Variants in DGKB observed in about 807,000 individuals in gnomAD.
The protein encoded by DGKB is 90 kDa diacylglycerol kinase.
Under a neutral mutation model 114.3 loss-of-function variants are expected in DGKB, and 67 were observed. That is an observed-to-expected ratio of 0.59 (90% CI 0.48 to 0.72). DGKB has a LOEUF of 0.72. Ranked by LOEUF, DGKB falls within the 30% of genes least tolerant of loss-of-function variation. The probability of loss-of-function intolerance (pLI) is 0.00; values close to 1 mark genes in which losing one functional copy is unlikely to be tolerated. For synonymous variants in DGKB, 398 were observed against 323.1 expected (o/e 1.23, Z -2.49); for missense variants, 907 against 975.2 (o/e 0.93, Z 0.93).
At chr7:14,930,856 G>T (rs867458670) in intron 1 of DGKB, among the ~76,000 whole-genome samples, 1 of 152,006 alleles carries the variant, frequency 6.6e-6, no homozygotes, top group African/African-American at 2.4e-5. Flanking sequence ...TGTACATGAC[G>T]TTCTGTATTT....
chr7:14,690,855 G>T (rs1585688314), intron 9 of DGKB, among the ~76,000 whole-genome samples: 1 of 152,204 alleles, frequency 6.6e-6, no homozygotes, highest in East Asian at 1.9e-4. Flanking sequence ...AAGGAAGAAT[G>T]AATAAGTCTC....
chr7:14,441,420 T>C lies in DGKB; in HGVS notation c.1835+36741A>G, dbSNP rs143291716. On this transcript the variant is annotated intron_variant, in intron 21 of 25. Coordinates refer to ENST00000402815, the MANE Select transcript of DGKB (RefSeq NM_001350709.2). ...TGTCAATTATAGACCTTGAACTTTC[T>C]CAATAAAGTTTATCTTTAGTCTTTC... Among the ~76,000 whole-genome samples, 770 of 152,298 alleles carry C rather than the reference T, an allele frequency of 5.1e-3. 2 individuals carry two copies. Among genetic ancestry groups the C allele is most frequent in the African/African-American group, 0.017 (727 of 41,572 alleles).
intron 12 of DGKB, among the ~76,000 whole-genome samples, chr7:14,677,761 C>G (rs765880449): frequency 6.6e-6 from 1 of 151,980 alleles, no homozygotes; most frequent in African/African-American, 2.4e-5. Context: ...GAAAAGAGAA[C>G]TGAGGTGAAT....
intron 20 of DGKB, among the ~76,000 whole-genome samples, chr7:14,531,086 C>T (rs1442016216): frequency 2.6e-5 from 4 of 151,488 alleles, no homozygotes; most frequent in Non-Finnish European, 5.9e-5. Context: ...CAGCTTGTTT[C>T]TCCAAATACA....
intron 21 of DGKB, among the ~76,000 whole-genome samples, chr7:14,429,931 C>T (rs201956623): frequency 5.9e-5 from 9 of 151,538 alleles, no homozygotes; most frequent in East Asian, 5.8e-4. Context: ...TGTCCCCCCC[C>T]CCAAAAAAAA....
At chr7:14,648,324 T>C (rs1236773318) in intron 13 of DGKB, among the ~76,000 whole-genome samples, 1 of 152,180 alleles carries the variant, frequency 6.6e-6, no homozygotes, top group Non-Finnish European at 1.5e-5. Flanking sequence ...CCTCCTCAAG[T>C]GGGTCCCTGA....
chr7:14,495,525 A>T (rs1254351730), intron 20 of DGKB, among the ~76,000 whole-genome samples: 1 of 151,702 alleles, frequency 6.6e-6, no homozygotes, highest in Non-Finnish European at 1.5e-5. Flanking sequence ...TGACAATTTC[A>T]GCATTTAAAA....
intron 1 of DGKB, among the ~76,000 whole-genome samples, chr7:14,934,407 T>C (rs1353187378): frequency 1.3e-5 from 2 of 152,170 alleles, no homozygotes; most frequent in Non-Finnish European, 2.9e-5. Context: ...TGTGAAAATA[T>C]GCTAGATTAT....
At chr7:14,155,098 G>A (rs1289732821) in intron 25 of DGKB, among the ~76,000 whole-genome samples, 2 of 152,000 alleles carry the variant, frequency 1.3e-5, no homozygotes, top group Non-Finnish European at 2.9e-5. Context: ...AATTTGAGAA[G>A]CCCTAGCCTA....
chr7:14,209,245 C>T (rs762924171), intron 23 of DGKB: 2 of 281,312 alleles, frequency 7.1e-6, no homozygotes, highest in East Asian at 2.2e-4. Flanking sequence ...CATGTTTAAA[C>T]ATTTATTTGC....
intron 6 of DGKB, among the ~76,000 whole-genome samples, chr7:14,715,293 T>C (rs1284869401): frequency 6.6e-6 from 1 of 152,110 alleles, no homozygotes; most frequent in Non-Finnish European, 1.5e-5. Context: ...TTCTCGACAG[T>C]TACAAGGCTT....
chr7:14,442,548 C>T (rs1253097046), intron 21 of DGKB, among the ~76,000 whole-genome samples: 1 of 152,070 alleles, frequency 6.6e-6, no homozygotes, highest in African/African-American at 2.4e-5. Flanking sequence ...TTCATCCTGG[C>T]TTTAAAGTTG....
intron 13 of DGKB, among the ~76,000 whole-genome samples, chr7:14,650,058 C>G (rs1403717485): frequency 2.6e-5 from 4 of 151,966 alleles, no homozygotes; most frequent in Admixed American, 2.6e-4. Flanking sequence ...GAGACTTTAA[C>G]ACCCCACTGT....
chr7:14,187,596 C>T (rs910099935), intron 23 of DGKB, among the ~76,000 whole-genome samples: 12 of 152,160 alleles, frequency 7.9e-5, no homozygotes, highest in African/African-American at 2.9e-4. Flanking sequence ...CAATATATAT[C>T]ACTGATGAGG....
intron 21 of DGKB, among the ~76,000 whole-genome samples, chr7:14,359,757 A>G (rs993651936): frequency 6.6e-6 from 1 of 152,182 alleles, no homozygotes; most frequent in Admixed American, 6.5e-5. Context: ...AATCAAAACC[A>G]CAATGAGATA....
At chr7:14,208,842 A>T (rs1787261204) in intron 23 of DGKB, among the ~76,000 whole-genome samples, 1 of 151,508 alleles carries the variant, frequency 6.6e-6, no homozygotes, top group South Asian at 2.1e-4. Context: ...AAGAGTTGTT[A>T]GAAATAAACA....
At chr7:14,860,544 G>C (rs1850822716) in intron 1 of DGKB, among the ~76,000 whole-genome samples, 3 of 151,916 alleles carry the variant, frequency 2.0e-5, no homozygotes, top group Non-Finnish European at 4.4e-5. Flanking sequence ...ATTTCCCAAA[G>C]ATATATGCTC....
chr7:14,527,968 G>A (rs1273069483), intron 20 of DGKB, among the ~76,000 whole-genome samples: 1 of 152,058 alleles, frequency 6.6e-6, no homozygotes, highest in Non-Finnish European at 1.5e-5. Context: ...AATTTTTAGT[G>A]TGTGAACCCT....
At chr7:14,926,035 G>A (rs548564423) in intron 1 of DGKB, among the ~76,000 whole-genome samples, 1 of 152,192 alleles carries the variant, frequency 6.6e-6, no homozygotes, top group South Asian at 2.1e-4. Flanking sequence ...GTAGGTTTCT[G>A]TAGATTTTCT....
Sources: gnomAD v4.1 joint callset for allele counts (sites outside exome capture counted in the v4.1 genomes callset) on GRCh38, gnomAD v4.1.1 for gene constraint, MANE v1.5 for transcripts, NCBI Gene and HGNC (gene_info 2026-07-23, HGNC 2026-07-21) for gene names.